RELN: variants seen among roughly 807,000 people sequenced by gnomAD.
RELN encodes the protein reelin.
A neutral mutation model predicts 427.6 loss-of-function variants in RELN; 108 were observed. The ratio of observed to expected loss-of-function variants is 0.25; its 90% CI spans 0.22 to 0.30. The LOEUF (loss-of-function observed/expected upper bound fraction) is 0.30, where lower values mean the gene tolerates loss of function less well. Among genes scored for constraint, RELN ranks in the 10% least tolerant of loss-of-function variants. The pLI is 1.00. For missense variants in RELN, 3,715 were observed against 4,302.8 expected (o/e 0.86, Z 3.82); for synonymous variants, 1,524 against 1,513.4 (o/e 1.01, Z -0.16).
intron 6 of RELN, among the ~76,000 whole-genome samples, chr7:103,737,088 G>A (rs1790513155): frequency 2.0e-5 from 3 of 150,886 alleles, no homozygotes; most frequent in Admixed American, 6.6e-5. Flanking sequence ...TCAAAATAGT[G>A]AACCATTAAA....
At chr7:103,606,796 A>G (rs1347690630) in intron 22 of RELN, among the ~76,000 whole-genome samples, 1 of 152,066 alleles carries the variant, frequency 6.6e-6, no homozygotes, top group Non-Finnish European at 1.5e-5. Flanking sequence ...TTTAAAAAAG[A>G]TATTATTTCC....
chr7:103,965,251 T>G (rs1233542474), intron 1 of RELN, among the ~76,000 whole-genome samples: 1 of 152,184 alleles, frequency 6.6e-6, no homozygotes, highest in African/African-American at 2.4e-5. Context: ...CTTGTAAATA[T>G]ATTCATAGGC....
intron 28 of RELN, among the ~76,000 whole-genome samples, chr7:103,580,180 A>G (rs1366115862): frequency 2.0e-5 from 3 of 152,240 alleles, no homozygotes; most frequent in Non-Finnish European, 4.4e-5. Context: ...AACAGCTCCA[A>G]ATTTTAACAA....
At chr7:103,545,621 A>G (rs1233740200) in intron 41 of RELN, among the ~76,000 whole-genome samples, 1 of 151,538 alleles carries the variant, frequency 6.6e-6, no homozygotes, top group Non-Finnish European at 1.5e-5. Context: ...CTTGGTGAAG[A>G]CTTCTCCATC....
chr7:103,732,697 A>G (rs1790385429), intron 6 of RELN, among the ~76,000 whole-genome samples: 1 of 152,170 alleles, frequency 6.6e-6, no homozygotes, highest in African/African-American at 2.4e-5. Flanking sequence ...TTACCCCAGA[A>G]TTTGAAACAA....
chr7:103,803,017 C>T (rs1584252716), intron 3 of RELN, among the ~76,000 whole-genome samples: 1 of 152,134 alleles, frequency 6.6e-6, no homozygotes, highest in Non-Finnish European at 1.5e-5. Flanking sequence ...ATGAACATTC[C>T]CAGGCCCTAT....
chr7:103,636,677 T>A (rs937504731), intron 17 of RELN, among the ~76,000 whole-genome samples: 12 of 152,074 alleles, frequency 7.9e-5, no homozygotes, highest in African/African-American at 2.7e-4. Context: ...TGCACAGCCC[T>A]CCCATAAAAA....
chr7:103,767,038 A>G (rs1016102070), intron 4 of RELN, among the ~76,000 whole-genome samples: 38 of 152,340 alleles, frequency 2.5e-4, no homozygotes, highest in African/African-American at 7.9e-4. Flanking sequence ...TAAATAATCA[A>G]TGTGTGTGTT....
In RELN at chr7:103,989,490, C is replaced by T. The variant is rs1797181619; in HGVS notation, c.-134G>A. Reference sequence around the variant, plus strand: ...GACGGGAGCGGAACGGGCTCGGGAGCGGGCCTGGGAGCGGGCCCCCGCCGA... The same window carrying T: ...GACGGGAGCGGAACGGGCTCGGGAGTGGGCCTGGGAGCGGGCCCCCGCCGA... On this transcript the variant is annotated 5_prime_UTR_variant, in exon 1 of 65. Coordinates refer to ENST00000428762, the MANE Select transcript of RELN (RefSeq NM_005045.4). The surrounding 1 kb of genome is among the most constrained non-coding windows in gnomAD (Gnocchi z 4.9). 7.8e-6 allele frequency: 6 copies of T among 769,010 alleles called. No individual in the cohort carries two copies. In the South Asian group the frequency reaches 1.3e-4, roughly 16 times the overall value. 47.6% of individuals were successfully genotyped at this position (769,010 alleles called of 1,614,324 possible). A position where few individuals can be genotyped will look rare whatever the true frequency, so the allele number is the denominator to read the frequency against.
chr7:103,511,928 G>T (rs1015594255), intron 50 of RELN, among the ~76,000 whole-genome samples: 4 of 152,126 alleles, frequency 2.6e-5, no homozygotes, highest in African/African-American at 9.7e-5. Flanking sequence ...CACAAGCAGG[G>T]CACCAAATCG....
intron 4 of RELN, among the ~76,000 whole-genome samples, chr7:103,762,938 G>A (rs543157781): frequency 6.6e-6 from 1 of 152,310 alleles, no homozygotes; most frequent in South Asian, 2.1e-4. Context: ...TTTGAGATAT[G>A]TATGCAAGAT....
intron 27 of RELN, among the ~76,000 whole-genome samples, chr7:103,593,157 C>T (rs1045834136): frequency 1.3e-5 from 2 of 152,104 alleles, no homozygotes; most frequent in African/African-American, 4.8e-5. Flanking sequence ...TGAAACAAGA[C>T]CTTGTCAAAG....
chr7:103,770,074 CTTTA>C (rs34771956), intron 4 of RELN, among the ~76,000 whole-genome samples: 41,030 of 150,562 alleles, frequency 0.27, 6,320 homozygotes, highest in African/African-American at 0.43. Flanking sequence ...ATCTTTTTTA[CTTTA>C]TTTATTTATT....
intron 46 of RELN, among the ~76,000 whole-genome samples, chr7:103,532,462 TG>T (rs1829962587): frequency 7.0e-6 from 1 of 143,688 alleles, no homozygotes; most frequent in African/African-American, 2.7e-5. Flanking sequence ...AAGCTGGAAA[TG>T]AAAAAAAAAA....
At chr7:103,707,504 CT>C (rs543258102) in intron 8 of RELN, among the ~76,000 whole-genome samples, 185 of 143,292 alleles carry the variant, frequency 1.3e-3, no homozygotes, top group Admixed American at 1.3e-3. Flanking sequence ...TCTTTCTTTT[CT>C]TTTTTTTTTT....
At chr7:103,716,957 T>C (rs1213730489) in intron 8 of RELN, among the ~76,000 whole-genome samples, 1 of 152,170 alleles carries the variant, frequency 6.6e-6, no homozygotes, top group Non-Finnish European at 1.5e-5. Flanking sequence ...TTCACTGCTG[T>C]ATTCCTTCTA....
chr7:103,566,729 C>T lies in RELN; in HGVS notation c.4619G>A (p.Gly1540Glu), dbSNP rs760285074. The change falls in exon 32 of 65, where the codon GGG (glycine) becomes GAG (glutamate). Residue 1540 changes from glycine to glutamate, a missense_variant. Physicochemically the swap from Gly to Glu is moderately conservative, Grantham distance 98. Coordinates refer to ENST00000428762, the MANE Select transcript of RELN (RefSeq NM_005045.4). The stretch of plus-strand genomic sequence containing the variant: ...CTCTCGAAGCAAATGCCAGAGTATC[C>T]CATTGTCATTTGAATACTGAACAAT... ...GLIVQYSNDN[G>E]ILWHLLRELD... 1 of 1,613,994 alleles carries T rather than the reference C, an allele frequency of 6.2e-7. No homozygotes were observed. The highest frequency in any genetic ancestry group is 1.7e-5 in the Admixed American group (1 of 60,006).
At chr7:103,732,903 G>A (rs1422856968) in intron 6 of RELN, among the ~76,000 whole-genome samples, 1 of 152,072 alleles carries the variant, frequency 6.6e-6, no homozygotes, top group African/African-American at 2.4e-5. Flanking sequence ...TTGCTGTGCA[G>A]AAGCTCTTTA....
rs771852710 is a variant in RELN, at chr7:103,497,806, C to A, written c.8950+14G>T. On this transcript the variant is annotated intron_variant, in intron 55 of 64. Coordinates refer to ENST00000428762, the MANE Select transcript of RELN (RefSeq NM_005045.4). The stretch of plus-strand genomic sequence containing the variant: ...AATCTGCTCCAAGGGGTGGTTTTCA[C>A]CCCTGACACATGCCTCCATCGGTAG... 1 of 1,611,646 alleles carries A rather than the reference C, an allele frequency of 6.2e-7. No individual in the cohort carries two copies. Among genetic ancestry groups the A allele is most frequent in the South Asian group, 1.1e-5 (1 of 91,016 alleles).
Sources: gnomAD v4.1 joint callset for allele counts (sites outside exome capture counted in the v4.1 genomes callset) on GRCh38, gnomAD v4.1.1 for gene constraint, Gnocchi (gnomAD v3.1) non-coding constraint, MANE v1.5 for transcripts, NCBI Gene and HGNC (gene_info 2026-07-23, HGNC 2026-07-21) for gene names.